Variants in SAMD7 observed in about 807,000 individuals in gnomAD.
The protein encoded by SAMD7 is sterile alpha motif domain containing 7, also known as sterile alpha motif domain-containing protein 7.
In SAMD7, 34 loss-of-function variants were observed where a neutral mutation model predicts 36.7. That is an observed-to-expected ratio of 0.93 (90% CI 0.71 to 1.23). The LOEUF (loss-of-function observed/expected upper bound fraction) is 1.23. Ranked by LOEUF, SAMD7 falls within the 50% of genes most tolerant of loss-of-function variation. The pLI is 0.00. For missense variants in SAMD7, 570 were observed against 546.6 expected (o/e 1.04, Z -0.43); for synonymous variants, 188 against 189.7 (o/e 0.99, Z 0.07).
In SAMD7 at chr3:169,912,048, G is replaced by A. The variant is rs201693570; in HGVS notation, c.-117+227G>A. Among the ~76,000 whole-genome samples, 17 of 152,218 alleles carry A rather than the reference G, an allele frequency of 1.1e-4. No homozygotes were observed. The East Asian group carries it at 2.7e-3, about 24-fold the overall frequency. ...ATACCACTCCTACCAAATAAACACT[G>A]CCTGGTCTTAGTTTTTGGAGTTTTT... is the stretch of plus-strand genomic sequence containing the variant. On this transcript the variant is annotated intron_variant, in intron 1 of 8. Coordinates refer to ENST00000335556, the MANE Select transcript of SAMD7 (RefSeq NM_001304366.2).
chr3:169,929,021 G>A (rs1244011616), intron 7 of SAMD7, among the ~76,000 whole-genome samples: 2 of 152,140 alleles, frequency 1.3e-5, no homozygotes, highest in African/African-American at 4.8e-5. Context: ...GAACAAGAAG[G>A]CAATATCTGA....
At position 169,928,791 on chromosome 3, in the gene SAMD7, T is replaced by C. The variant is rs114543795; in HGVS notation, c.1041+213T>C. Reference sequence around the variant, plus strand: ...GCATCAGGGGAGGCTGGGAAAGCCATTGTCTGTCTTTAGCTTCTTTCCTAT... The same window carrying C: ...GCATCAGGGGAGGCTGGGAAAGCCACTGTCTGTCTTTAGCTTCTTTCCTAT... On this transcript the variant is annotated intron_variant, in intron 7 of 8. Transcript: ENST00000335556. Among the ~76,000 whole-genome samples the C allele has an allele frequency of 4.5e-3, 690 of 152,290 alleles. 6 individuals are homozygous for C. Among genetic ancestry groups the C allele is most frequent in the African/African-American group, 0.016 (664 of 41,570 alleles).
intron 7 of SAMD7, among the ~76,000 whole-genome samples, chr3:169,933,691 A>G (rs1713607720): frequency 6.6e-6 from 1 of 152,238 alleles, no homozygotes; most frequent in African/African-American, 2.4e-5. Context: ...GGAGCTTTCC[A>G]AGAAGATTCT....
At chr3:169,914,125 G>A (rs1712706491) in intron 1 of SAMD7, among the ~76,000 whole-genome samples, 1 of 152,184 alleles carries the variant, frequency 6.6e-6, no homozygotes, top group Non-Finnish European at 1.5e-5. Flanking sequence ...TGATGTGTCA[G>A]TGTAGCTTAA....
intron 7 of SAMD7, among the ~76,000 whole-genome samples, chr3:169,930,578 C>CTTT (rs772549629): frequency 1.7e-4 from 17 of 101,712 alleles, no homozygotes; most frequent in East Asian, 2.9e-4. Context: ...CCTTTCTTTT[C>CTTT]TTTTTTTTTT....
rs377126751 is a variant in SAMD7 at position 169,927,168 on chromosome 3, A to G, written c.906A>G (p.Arg302=). 1.4e-5 allele frequency: 21 copies of G among 1,528,304 alleles called. No homozygotes were observed. The African/African-American group carries it at 2.7e-4, about 19-fold the overall frequency. 94.7% of individuals were successfully genotyped at this position (1,528,304 alleles called of 1,614,324 possible). Residue 302 remains arginine, a synonymous_variant, in exon 6 of 9, where the codon CGA becomes CGG. Coordinates refer to ENST00000335556, the MANE Select transcript of SAMD7 (RefSeq NM_001304366.2). The part of the protein sequence containing the change: ...EKNGVCPPVP[R]PSLPGTHALV... Reference sequence around the variant, plus strand: ...ATGGGGTTTGCCCTCCAGTTCCTCGACCATCTCTGCCAGGTGGGTGTCCAG... The same window carrying G: ...ATGGGGTTTGCCCTCCAGTTCCTCGGCCATCTCTGCCAGGTGGGTGTCCAG...
At chr3:169,920,506 T>C (rs1341651080) in intron 3 of SAMD7, among the ~76,000 whole-genome samples, 1 of 152,218 alleles carries the variant, frequency 6.6e-6, no homozygotes, top group Non-Finnish European at 1.5e-5. Flanking sequence ...ACAGTCACAT[T>C]AGCAGTTAAG....
At chr3:169,937,935 A>C (rs1713781448) in intron 8 of SAMD7, among the ~76,000 whole-genome samples, 1 of 152,148 alleles carries the variant, frequency 6.6e-6, no homozygotes, top group African/African-American at 2.4e-5. Flanking sequence ...GGATTGTGTC[A>C]GTCTTCTGCT....
chr3:169,926,863 T>C lies in SAMD7; in HGVS notation c.601T>C (p.Ser201Pro), dbSNP rs778806992. The change falls in exon 6 of 9, where the codon TCC becomes CCC. Residue 201 changes from serine (S) to proline (P), a missense_variant. Physicochemically the swap from Ser to Pro is moderately conservative, Grantham distance 74. Transcript: ENST00000335556. Reference sequence around the variant, plus strand: ...AGCTCTAGACAGTGATGCTGAGAGTTCCAAAAGTCAAGCAGAAGAAAAAAT... The same window carrying C: ...AGCTCTAGACAGTGATGCTGAGAGTCCCAAAAGTCAAGCAGAAGAAAAAAT... ...QKALDSDAESSKSQAEEKILG... is the reference protein window; with the variant it reads ...QKALDSDAESPKSQAEEKILG... 6.2e-7 allele frequency: 1 copy of C among 1,613,326 alleles called. No individual in the cohort carries two copies. Among genetic ancestry groups the C allele is most frequent in the African/African-American group, 1.3e-5 (1 of 74,644 alleles).
chr3:169,919,376 G>T, intron 2 of SAMD7, 82 bp from the exon 3 acceptor site: 1 of 752,604 alleles, frequency 1.3e-6, no homozygotes, highest in Non-Finnish European at 2.3e-6. Flanking sequence ...AATACAAAAG[G>T]CTTTTATTGT....
chr3:169,919,014 T>C (rs1424645227), intron 2 of SAMD7, among the ~76,000 whole-genome samples: 2 of 151,980 alleles, frequency 1.3e-5, no homozygotes, highest in Non-Finnish European at 2.9e-5. Context: ...GGCGTGGTGG[T>C]GGGTGCCTGT....
At position 169,921,284 on chromosome 3, in the gene SAMD7, T is replaced by A. The variant is rs1202016026; in HGVS notation, c.157T>A (p.Ser53Thr). 6.2e-7 allele frequency: 1 copy of A among 1,614,090 alleles called. No homozygotes were observed. The highest frequency in any genetic ancestry group is 1.3e-5 in the African/African-American group (1 of 75,054). ...TTGCGTTCCTTCCCAATTTGGATCCTCTGTTCTACCAAACACAAATATGGC... is the reference window on the plus strand; with the variant it reads ...TTGCGTTCCTTCCCAATTTGGATCCACTGTTCTACCAAACACAAATATGGC... ...QFCVPSQFGS[S>T]VLPNTNMANV... The change falls in exon 4 of 9, where the codon TCT becomes ACT. Residue 53 changes from serine to threonine, a missense_variant. Ser to Thr is a moderately conservative substitution (Grantham distance 58). Coordinates refer to ENST00000335556, the MANE Select transcript of SAMD7 (RefSeq NM_001304366.2).
intron 1 of SAMD7, among the ~76,000 whole-genome samples, chr3:169,912,163 G>A (rs975941615): frequency 2.0e-5 from 3 of 152,196 alleles, no homozygotes; most frequent in Admixed American, 6.5e-5. Flanking sequence ...TCAAACAGAT[G>A]AAGTACCTAC....
At position 169,926,004 on chromosome 3, in the gene SAMD7, G is replaced by C. The variant is rs144542480; in HGVS notation, c.291-549G>C. Among the ~76,000 whole-genome samples the C allele has an allele frequency of 8.0e-3, 1,215 of 152,182 alleles. 21 individuals carry two copies. Among genetic ancestry groups the C allele is most frequent in the African/African-American group, 0.028 (1,167 of 41,488 alleles). On this transcript the variant is annotated intron_variant, in intron 5 of 8. Transcript: ENST00000335556. The stretch of plus-strand genomic sequence containing the variant: ...GAAAGAAAAGTATAACAATGAATAG[G>C]GTATGGCCCCAGGGTAAGAGAAGGC...
chr3:169,932,813 C>A, intron 7 of SAMD7: 1 of 565,686 alleles, frequency 1.8e-6, no homozygotes. Flanking sequence ...TGACTCTGGC[C>A]TGTGCCGCCT....
chr3:169,921,381 T>C, intron 4 of SAMD7, 43 bp downstream of exon 4: 1 of 1,593,754 alleles, frequency 6.3e-7, no homozygotes, highest in Non-Finnish European at 8.6e-7. Context: ...GGAGTCATTT[T>C]GAACTGGATG....
At chr3:169,934,677 T>C (rs138685507) in intron 7 of SAMD7, among the ~76,000 whole-genome samples, 158 of 152,254 alleles carry the variant, frequency 1.0e-3, no homozygotes, top group African/African-American at 3.7e-3. Context: ...CACAGCACAA[T>C]GAAAACTATG....
chr3:169,922,200 C>T lies in SAMD7; in HGVS notation c.211+862C>T, dbSNP rs139772411. ...GAAGGCAGCAGAAGTGCAGGGAGAA[C>T]GTCTGAGGACAATTTAGGGATATAC... On this transcript the variant is annotated intron_variant, in intron 4 of 8. Coordinates refer to ENST00000335556, the MANE Select transcript of SAMD7 (RefSeq NM_001304366.2). 3.1e-4 allele frequency among the ~76,000 whole-genome samples: 47 copies of T among 152,246 alleles called. No homozygotes were observed. The South Asian group carries it at 3.1e-3, about 10-fold the overall frequency.
At chr3:169,936,283 G>T (rs1025854738) in intron 7 of SAMD7, 56 bp from the exon 8 acceptor site, 16 of 1,125,028 alleles carry the variant, frequency 1.4e-5, no homozygotes, top group Non-Finnish European at 1.9e-5. Flanking sequence ...GGTGGTAAAA[G>T]AACTTTTTCA....
Sources: allele counts gnomAD v4.1 joint callset (sites outside exome capture counted in the v4.1 genomes callset), GRCh38; gene constraint gnomAD v4.1.1; transcripts MANE v1.5; gene names NCBI Gene and HGNC (gene_info 2026-07-23, HGNC 2026-07-21).